The following LRP1B variants were observed in gnomAD, a reference collection of about 807,000 sequenced individuals.
LRP1B encodes the protein low-density lipoprotein receptor-related protein 1B.
Under a neutral mutation model 556.6 loss-of-function variants are expected in LRP1B, and 217 were observed. That is an observed-to-expected ratio of 0.39 (90% CI 0.35 to 0.44). The LOEUF is 0.44. Among genes scored for constraint, LRP1B ranks in the 20% least tolerant of loss-of-function variants. The probability of loss-of-function intolerance (pLI) is 1.00; values close to 1 mark genes in which losing one functional copy is unlikely to be tolerated. For missense variants in LRP1B, 5,053 were observed against 5,620.8 expected, an observed-to-expected ratio of 0.90 and a Z score of 3.23; for synonymous variants, 2,047 against 1,865.8, an observed-to-expected ratio of 1.10 and a Z score of -2.50.
chr2:141,474,000 A>ATTCCTTCCTTCCTTCCTTCCTTCC (rs70994427), intron 3 of LRP1B, among the ~76,000 whole-genome samples: 4 of 130,512 alleles, frequency 3.1e-5, no homozygotes, highest in Non-Finnish European at 6.4e-5. Flanking sequence ...GCTTTACTAA[A>ATTCCTTCCTTCCTTCCTTCCTTCC]TTCCTTCCTT....
At chr2:141,730,767 T>C (rs1238864237) in intron 2 of LRP1B, among the ~76,000 whole-genome samples, 1 of 152,172 alleles carries the variant, frequency 6.6e-6, no homozygotes, top group Non-Finnish European at 1.5e-5. Flanking sequence ...ATCATTGTAC[T>C]CATAGATGGC....
At chr2:140,665,840 A>G (rs1685247211) in intron 41 of LRP1B, among the ~76,000 whole-genome samples, 1 of 152,150 alleles carries the variant, frequency 6.6e-6, no homozygotes, top group African/African-American at 2.4e-5. Flanking sequence ...AAAATTCTGG[A>G]TAATCTACCA....
At chr2:140,653,819 G>A (rs1684773239) in intron 41 of LRP1B, among the ~76,000 whole-genome samples, 1 of 151,838 alleles carries the variant, frequency 6.6e-6, no homozygotes, top group South Asian at 2.1e-4. Context: ...GAGGTCAGAA[G>A]TTCGAGGCCA....
intron 3 of LRP1B, among the ~76,000 whole-genome samples, chr2:141,354,795 A>C (rs1688567482): frequency 6.6e-6 from 1 of 152,058 alleles, no homozygotes; most frequent in African/African-American, 2.4e-5. Flanking sequence ...AAACTGAAAA[A>C]AATTTAAGTG....
intron 2 of LRP1B, among the ~76,000 whole-genome samples, chr2:141,650,231 C>T (rs779433795): frequency 2.0e-5 from 3 of 152,050 alleles, no homozygotes; most frequent in Non-Finnish European, 4.4e-5. Flanking sequence ...TGTATATAAC[C>T]CTGTCCCTTT....
At chr2:141,920,026 A>G (rs540687919) in intron 1 of LRP1B, among the ~76,000 whole-genome samples, 4 of 152,032 alleles carry the variant, frequency 2.6e-5, no homozygotes, top group Admixed American at 6.6e-5. Context: ...GCCTTAAGCA[A>G]TCTTTCTTTC....
intron 3 of LRP1B, among the ~76,000 whole-genome samples, chr2:141,467,199 A>T (rs996917513): frequency 5.4e-5 from 8 of 148,958 alleles, no homozygotes; most frequent in Non-Finnish European, 1.2e-4. Flanking sequence ...GCGCGGGGGG[A>T]ATTATAGCAG....
At chr2:140,243,331 GA>G (rs745593266) in intron 87 of LRP1B, among the ~76,000 whole-genome samples, 2 of 150,848 alleles carry the variant, frequency 1.3e-5, no homozygotes, top group Non-Finnish European at 3.0e-5. Flanking sequence ...AAGCAGAATA[GA>G]AAGAAAATAA....
chr2:141,500,873 T>C (rs1323687428), intron 2 of LRP1B, among the ~76,000 whole-genome samples: 1 of 152,124 alleles, frequency 6.6e-6, no homozygotes, highest in East Asian at 1.9e-4. Flanking sequence ...ATAAACAAGA[T>C]CATTGCCACA....
At chr2:140,497,497 A>C (rs1574005873) in intron 55 of LRP1B, among the ~76,000 whole-genome samples, 1 of 151,958 alleles carries the variant, frequency 6.6e-6, no homozygotes. Context: ...CTTTTTATTC[A>C]ATTTTGTTAA....
intron 1 of LRP1B, among the ~76,000 whole-genome samples, chr2:141,952,285 T>G (rs1368559087): frequency 6.6e-6 from 1 of 152,070 alleles, no homozygotes; most frequent in Admixed American, 6.6e-5. Flanking sequence ...AAGTCTTTGC[T>G]ATTGTGAATA....
At chr2:141,507,747 T>C (rs1683982826) in intron 2 of LRP1B, among the ~76,000 whole-genome samples, 1 of 152,108 alleles carries the variant, frequency 6.6e-6, no homozygotes, top group Non-Finnish European at 1.5e-5. Flanking sequence ...TAACATTCAG[T>C]GCCCTTAGGA....
At chr2:140,881,008 T>A (rs549171266) in intron 25 of LRP1B, among the ~76,000 whole-genome samples, 7 of 152,238 alleles carry the variant, frequency 4.6e-5, no homozygotes, top group Admixed American at 3.9e-4. Flanking sequence ...ACAGTATTTA[T>A]ATAAATCATA....
At chr2:141,520,366 G>A (rs1684485540) in intron 2 of LRP1B, among the ~76,000 whole-genome samples, 1 of 152,078 alleles carries the variant, frequency 6.6e-6, no homozygotes, top group Admixed American at 6.6e-5. Context: ...AAAACAAAAG[G>A]CCCTGACTAA....
At chr2:141,505,297 C>A (rs559677429) in intron 2 of LRP1B, among the ~76,000 whole-genome samples, 2 of 152,110 alleles carry the variant, frequency 1.3e-5, no homozygotes, top group East Asian at 1.9e-4. Context: ...TAAGTCTCAG[C>A]AAATCTTTTG....
At chr2:141,336,114 CA>C (rs60102985) in intron 3 of LRP1B, among the ~76,000 whole-genome samples, 1,292 of 93,000 alleles carry the variant, frequency 0.014, 12 homozygotes, top group African/African-American at 0.047. Flanking sequence ...CAGACCTGTC[CA>C]AAAAAAAAAA....
At chr2:141,541,293 A>G (rs1280225393) in intron 2 of LRP1B, among the ~76,000 whole-genome samples, 4 of 152,080 alleles carry the variant, frequency 2.6e-5, no homozygotes, top group African/African-American at 9.6e-5. Context: ...TGAGACAGAC[A>G]TGAGATCAGA....
rs538678976 is a variant in LRP1B at position 141,283,809 on chromosome 2, TG to T, written c.344-29169del. On this transcript the variant is annotated intron_variant, in intron 3 of 90. Transcript: ENST00000389484. ...CGTGGTTTCACCATCTTGGTCAAGGTGGGAGAGACACTTTAAAAGAAAAAAA... is the reference window on the plus strand; with the variant it reads ...CGTGGTTTCACCATCTTGGTCAAGGTGGAGAGACACTTTAAAAGAAAAAAA... Among the ~76,000 whole-genome samples the T allele has an allele frequency of 4.7e-4, 70 of 148,054 alleles. 1 individual carries two copies. In the East Asian group the frequency reaches 0.013, roughly 28 times the overall value.
At chr2:140,357,074 C>T (rs1210162522) in intron 74 of LRP1B, among the ~76,000 whole-genome samples, 3 of 151,626 alleles carry the variant, frequency 2.0e-5, no homozygotes, top group Non-Finnish European at 4.4e-5. Flanking sequence ...TTGTAATTTC[C>T]AGGATAGCAG....
Sources: allele counts gnomAD v4.1 joint callset (sites outside exome capture counted in the v4.1 genomes callset), GRCh38; gene constraint gnomAD v4.1.1; transcripts MANE v1.5; gene names NCBI Gene and HGNC (gene_info 2026-07-23, HGNC 2026-07-21).